STIP1: variants seen among roughly 807,000 people sequenced by gnomAD.
STIP1 encodes stress-induced-phosphoprotein 1.
A neutral mutation model predicts 77.4 loss-of-function variants in STIP1; 16 were observed. The observed-to-expected ratio is 0.21, with a 90% CI of 0.14 to 0.31. The LOEUF (loss-of-function observed/expected upper bound fraction) is 0.31, where lower values mean the gene tolerates loss of function less well. Among genes scored for constraint, STIP1 ranks in the 10% least tolerant of loss-of-function variants. The pLI is 1.00. For missense variants in STIP1, 524 were observed against 684.8 expected, an observed-to-expected ratio of 0.77 and a Z score of 2.62; for synonymous variants, 258 against 246.6, an observed-to-expected ratio of 1.05 and a Z score of -0.44.
At chr11:64,202,979 C>T (rs767365422) in intron 11 of STIP1, 67 bp downstream of exon 11, 47 of 1,610,806 alleles carry the variant, frequency 2.9e-5, no homozygotes, top group Non-Finnish European at 3.7e-5. Context: ...AGGGCAAGCC[C>T]TTTGTCTACC....
chr11:64,193,642 C>G (rs1162383741), intron 2 of STIP1, among the ~76,000 whole-genome samples: 2 of 152,000 alleles, frequency 1.3e-5, no homozygotes, highest in African/African-American at 2.4e-5. Context: ...AAAAATTTAG[C>G]CAGGCATGGT....
chr11:64,189,416 A>G (rs1040187825), intron 1 of STIP1, among the ~76,000 whole-genome samples: 2 of 152,170 alleles, frequency 1.3e-5, no homozygotes, highest in African/African-American at 4.8e-5. Flanking sequence ...GGTCCCAGCT[A>G]CGTGGGAGGC....
intron 1 of STIP1, among the ~76,000 whole-genome samples, chr11:64,186,763 C>T (rs908770087): frequency 1.3e-5 from 2 of 152,188 alleles, no homozygotes; most frequent in Non-Finnish European, 2.9e-5. Context: ...GACGGGGATA[C>T]ACTGGGAGTA....
intron 5 of STIP1, 56 bp from the exon 6 acceptor site, chr11:64,197,215 C>A: frequency 6.2e-7 from 1 of 1,600,392 alleles, no homozygotes. Context: ...ATCATAGATT[C>A]TTGCTTTGTC....
intron 1 of STIP1, among the ~76,000 whole-genome samples, chr11:64,189,868 T>TC (rs1946072098): frequency 6.6e-6 from 1 of 152,164 alleles, no homozygotes; most frequent in Non-Finnish European, 1.5e-5. Flanking sequence ...TCTTCTGGCC[T>TC]CCATCTTGGG....
intron 5 of STIP1, among the ~76,000 whole-genome samples, chr11:64,196,222 C>T (rs961507262): frequency 1.1e-4 from 17 of 151,562 alleles, no homozygotes; most frequent in Non-Finnish European, 8.8e-5. Flanking sequence ...ATGGTGAAAC[C>T]TCATCTTCAC....
At chr11:64,189,862 C>G (rs1946071959) in intron 1 of STIP1, among the ~76,000 whole-genome samples, 1 of 152,162 alleles carries the variant, frequency 6.6e-6, no homozygotes, top group East Asian at 1.9e-4. Flanking sequence ...TCTTCGTCTT[C>G]TGGCCTCCAT....
intron 1 of STIP1, among the ~76,000 whole-genome samples, chr11:64,187,122 C>G (rs573025055): frequency 6.6e-6 from 1 of 152,036 alleles, no homozygotes; most frequent in Non-Finnish European, 1.5e-5. Flanking sequence ...AGTTATGGGC[C>G]TCTACTGAGC....
At chr11:64,187,954 G>C (rs1016481338) in intron 1 of STIP1, among the ~76,000 whole-genome samples, 22 of 150,018 alleles carry the variant, frequency 1.5e-4, no homozygotes, top group African/African-American at 5.4e-4. Flanking sequence ...AGTGAGCCGA[G>C]ATTGCGCCAC....
At chr11:64,194,044 G>A in intron 2 of STIP1, 145 bp from the exon 3 acceptor site, 1 of 1,155,858 alleles carries the variant, frequency 8.7e-7, no homozygotes, top group Non-Finnish European at 1.2e-6. Context: ...TGGCCTCGTA[G>A]CCTACTCCTC....
At chr11:64,198,974 T>G (rs1175811460) in intron 8 of STIP1, among the ~76,000 whole-genome samples, 2 of 116,892 alleles carry the variant, frequency 1.7e-5, no homozygotes, top group Non-Finnish European at 3.6e-5. Context: ...CTGAGGTGGG[T>G]GGATCACAAG....
intron 1 of STIP1, among the ~76,000 whole-genome samples, chr11:64,186,719 G>T (rs1027402756): frequency 6.6e-6 from 1 of 152,206 alleles, no homozygotes; most frequent in South Asian, 2.1e-4. Flanking sequence ...TCGGGACTTA[G>T]CCACGAGGAA....
chr11:64,198,022 A>G (rs371537786), intron 8 of STIP1, 48 bp downstream of exon 8: 412 of 1,565,280 alleles, frequency 2.6e-4, no homozygotes, highest in Non-Finnish European at 3.3e-4. Flanking sequence ...CTAATAATTG[A>G]GCCATTGTTT....
chr11:64,189,317 C>T lies in STIP1; in HGVS notation c.9+3047C>T, dbSNP rs558009445. On this transcript the variant is annotated intron_variant, in intron 1 of 13. Transcript: ENST00000305218. ...CGGACCTTGAAGTGAGCCGAGATTG[C>T]GCCACTGCACTCCAGACTGGGTAAC... Among the ~76,000 whole-genome samples, 5 of 151,984 alleles carry T rather than the reference C, an allele frequency of 3.3e-5. No individual in the cohort carries two copies. In the East Asian group the frequency reaches 5.8e-4, roughly 18 times the overall value.
At chr11:64,202,799 A>G (rs372785232) in intron 10 of STIP1, 77 bp from the exon 11 acceptor site, 7 of 1,545,170 alleles carry the variant, frequency 4.5e-6, no homozygotes, top group Non-Finnish European at 6.3e-6. Context: ...TAGAGTTGGA[A>G]GTCCACATGC....
chr11:64,204,079 CAGA>C lies in STIP1; in HGVS notation c.1589_1591del (p.Lys530del). 6.2e-7 allele frequency: 1 copy of C among 1,614,172 alleles called. No individual in the cohort carries two copies. Among genetic ancestry groups the C allele is most frequent in the Non-Finnish European group, 8.5e-7 (1 of 1,180,040 alleles). ...ACACTTAAAGAATCCTGTAATAGCACAGAAGATCCAGAAGCTGATGGATGTGGG... is the reference window on the plus strand; with the variant it reads ...ACACTTAAAGAATCCTGTAATAGCACAGATCCAGAAGCTGATGGATGTGGG... On this transcript the variant is annotated inframe_deletion, in exon 14 of 14. Transcript: ENST00000305218.
intron 8 of STIP1, among the ~76,000 whole-genome samples, chr11:64,198,432 C>G (rs894124419): frequency 2.0e-5 from 3 of 151,996 alleles, no homozygotes; most frequent in Admixed American, 1.3e-4. Context: ...AGGCTGGTCT[C>G]AAACTCCTGA....
At position 64,193,066 on chromosome 11, in the gene STIP1, C is replaced by T. The variant is rs1301960195; in HGVS notation, c.10-12C>T. 1 of 1,613,574 alleles carries T rather than the reference C, an allele frequency of 6.2e-7. No individual in the cohort carries two copies. The highest frequency in any genetic ancestry group is 8.5e-7 in the Non-Finnish European group (1 of 1,179,790). ...CACATCATAGAGAAGCTGTGTGTTC[C>T]TTTCCCCTCAGGTCAATGAGCTGAA... On this transcript the variant is annotated splice_polypyrimidine_tract_variant and intron_variant, in intron 1 of 13. Transcript: ENST00000305218.
At chr11:64,193,869 G>A (rs1946118940) in intron 2 of STIP1, among the ~76,000 whole-genome samples, 2 of 152,196 alleles carry the variant, frequency 1.3e-5, no homozygotes, top group Admixed American at 6.5e-5. Context: ...GATTACTGGA[G>A]CCCAAAGGTT....
Sources: allele counts gnomAD v4.1 joint callset (sites outside exome capture counted in the v4.1 genomes callset), GRCh38; gene constraint gnomAD v4.1.1; transcripts MANE v1.5; gene names NCBI Gene and HGNC (gene_info 2026-07-23, HGNC 2026-07-21).